The following SCHIP1 variants were observed in gnomAD, a reference collection of about 807,000 sequenced individuals.
SCHIP1 encodes the protein schwannomin interacting protein 1, also known as schwannomin-interacting protein 1.
Under a neutral mutation model 29.7 loss-of-function variants are expected in SCHIP1, and 8 were observed. That is an observed-to-expected ratio of 0.27 (90% CI 0.16 to 0.49). The LOEUF is 0.49. Among genes scored for constraint, SCHIP1 ranks in the 20% least tolerant of loss-of-function variants. The pLI, the probability that SCHIP1 is intolerant of heterozygous loss-of-function variation, is 0.99. For missense variants in SCHIP1, 193 were observed against 294.6 expected (o/e 0.66, Z 2.52); for synonymous variants, 76 against 94.9 (o/e 0.80, Z 1.16).
the SCHIP1 span, among the ~76,000 whole-genome samples, chr3:159,819,940 C>G: frequency 6.6e-6 from 1 of 152,224 alleles, no homozygotes; most frequent in Admixed American, 6.5e-5. Flanking sequence ...CCAGCTCATT[C>G]CTGCATGATA....
At chr3:159,589,734 T>A in the SCHIP1 span, among the ~76,000 whole-genome samples, 1 of 152,182 alleles carries the variant, frequency 6.6e-6, no homozygotes, top group African/African-American at 2.4e-5. Context: ...TATAAAAGCC[T>A]CCATAGGACC....
chr3:159,581,235 A>G, the SCHIP1 span, among the ~76,000 whole-genome samples: 1 of 152,196 alleles, frequency 6.6e-6, no homozygotes, highest in African/African-American at 2.4e-5. Context: ...CAAAATGGCT[A>G]GGGACTTCAG....
the SCHIP1 span, among the ~76,000 whole-genome samples, chr3:159,642,174 A>G: frequency 1.3e-5 from 2 of 152,172 alleles, no homozygotes; most frequent in African/African-American, 4.8e-5. Flanking sequence ...GAGATAATAC[A>G]TATAAATAGC....
the SCHIP1 span, among the ~76,000 whole-genome samples, chr3:159,445,582 G>C: frequency 6.6e-6 from 1 of 152,088 alleles, no homozygotes; most frequent in African/African-American, 2.4e-5. Context: ...GTACACGTAT[G>C]TTTATTGCAG....
chr3:159,718,587 AACAG>A, the SCHIP1 span, among the ~76,000 whole-genome samples: 2 of 152,316 alleles, frequency 1.3e-5, no homozygotes, highest in Admixed American at 1.3e-4. Flanking sequence ...ATACACCAAT[AACAG>A]ACAAACAGAG....
At chr3:159,539,422 T>C in the SCHIP1 span, among the ~76,000 whole-genome samples, 1 of 136,258 alleles carries the variant, frequency 7.3e-6, no homozygotes, top group Non-Finnish European at 1.7e-5. Flanking sequence ...ATATCAAAGT[T>C]TAATAACCTC....
the SCHIP1 span, chr3:159,386,731 AC>A: frequency 1.3e-5 from 2 of 152,216 alleles, no homozygotes; most frequent in African/African-American, 4.8e-5. Context: ...TAGTTAGTTC[AC>A]TTTACTTTTC....
At chr3:159,275,586 C>T in the SCHIP1 span, among the ~76,000 whole-genome samples, 1 of 152,106 alleles carries the variant, frequency 6.6e-6, no homozygotes, top group South Asian at 2.1e-4. Context: ...TTTATATTTG[C>T]TGCTTTTTTT....
At chr3:159,704,417 T>TAAAAAAAAAAAAA in the SCHIP1 span, among the ~76,000 whole-genome samples, 18 of 92,640 alleles carry the variant, frequency 1.9e-4, no homozygotes, top group African/African-American at 7.0e-4. Context: ...CAATTTTTTC[T>TAAAAAAAAAAAAA]AAAAAAAAAA....
chr3:159,633,186 A>G, the SCHIP1 span, among the ~76,000 whole-genome samples: 3 of 152,142 alleles, frequency 2.0e-5, no homozygotes, highest in Non-Finnish European at 4.4e-5. Context: ...CAAAATCTTC[A>G]TTTTCCCTGT....
chr3:159,436,244 C>T, the SCHIP1 span, among the ~76,000 whole-genome samples: 10 of 152,266 alleles, frequency 6.6e-5, no homozygotes, highest in African/African-American at 1.2e-4. Flanking sequence ...TCGTTTAAGA[C>T]GAAGTGTGCA....
At chr3:159,668,702 T>C in the SCHIP1 span, among the ~76,000 whole-genome samples, 1 of 152,166 alleles carries the variant, frequency 6.6e-6, no homozygotes, top group African/African-American at 2.4e-5. Flanking sequence ...CAACTATTAA[T>C]AGTTCAGACT....
At chr3:159,593,788 G>A in the SCHIP1 span, among the ~76,000 whole-genome samples, 1 of 152,216 alleles carries the variant, frequency 6.6e-6, no homozygotes, top group East Asian at 1.9e-4. Context: ...AAAGCAGACA[G>A]GTTGTATTAG....
chr3:159,405,550 G>A, the SCHIP1 span, among the ~76,000 whole-genome samples: 2 of 152,190 alleles, frequency 1.3e-5, no homozygotes, highest in African/African-American at 2.4e-5. Flanking sequence ...GTCACACAGA[G>A]GAAAGCACTG....
the SCHIP1 span, among the ~76,000 whole-genome samples, chr3:159,347,359 G>C: frequency 6.6e-6 from 1 of 152,100 alleles, no homozygotes; most frequent in Non-Finnish European, 1.5e-5. Flanking sequence ...TTACATTTCA[G>C]AGAAAAAAAC....
the SCHIP1 span, among the ~76,000 whole-genome samples, chr3:159,412,600 A>G: frequency 1.3e-5 from 2 of 152,130 alleles, no homozygotes; most frequent in African/African-American, 2.4e-5. Context: ...AAGAAAATCT[A>G]TTTTCCTGGC....
At chr3:159,538,372 A>T in the SCHIP1 span, among the ~76,000 whole-genome samples, 2 of 152,152 alleles carry the variant, frequency 1.3e-5, no homozygotes, top group African/African-American at 4.8e-5. Flanking sequence ...TTCCTTACTT[A>T]TTAAGTGTTT....
At chr3:159,295,253 TAA>T in the SCHIP1 span, among the ~76,000 whole-genome samples, 6 of 66,984 alleles carry the variant, frequency 9.0e-5, no homozygotes, top group African/African-American at 4.2e-4. Flanking sequence ...CTATCTCTAC[TAA>T]AAAAAAAAAA....
chr3:159,626,530 C>T, the SCHIP1 span, among the ~76,000 whole-genome samples: 9 of 151,950 alleles, frequency 5.9e-5, no homozygotes, highest in African/African-American at 1.9e-4. Flanking sequence ...CAACAAGGGT[C>T]GTCTGGGGCA....
Sources: allele counts gnomAD v4.1 joint callset (sites outside exome capture counted in the v4.1 genomes callset), GRCh38; gene constraint gnomAD v4.1.1; transcripts MANE v1.5; gene names NCBI Gene and HGNC (gene_info 2026-07-23, HGNC 2026-07-21).